The following TRPM7 variants were observed in gnomAD, a reference collection of about 807,000 sequenced individuals.
TRPM7 encodes transient receptor potential cation channel subfamily M member 7, also known as LTRPC ion channel family member 7.
In TRPM7, 134 loss-of-function variants were observed where a neutral mutation model predicts 229.7. The ratio of observed to expected loss-of-function variants is 0.58; its 90% confidence interval spans 0.51 to 0.67. The LOEUF (loss-of-function observed/expected upper bound fraction) is 0.67. Among genes scored for constraint, TRPM7 ranks in the 30% least tolerant of loss-of-function variants. TRPM7 has a pLI of 0.00. For synonymous variants in TRPM7, 699 were observed against 715.2 expected, an observed-to-expected ratio of 0.98 and a Z score of 0.36; for missense variants, 1,901 against 2,210.0, an observed-to-expected ratio of 0.86 and a Z score of 2.80.
At chr15:50,683,333 T>C (rs969144603) in intron 1 of TRPM7, among the ~76,000 whole-genome samples, 2 of 151,384 alleles carry the variant, frequency 1.3e-5, no homozygotes, top group African/African-American at 4.9e-5. Flanking sequence ...TGACAAAAAC[T>C]AAATGACTAC....
chr15:50,650,776 C>T (rs898672932), intron 3 of TRPM7, among the ~76,000 whole-genome samples: 11 of 152,106 alleles, frequency 7.2e-5, no homozygotes, highest in African/African-American at 2.7e-4. Flanking sequence ...CTGAAAGGAT[C>T]AAACTGATCC....
intron 2 of TRPM7, among the ~76,000 whole-genome samples, chr15:50,662,361 C>T (rs1029781865): frequency 7.3e-5 from 11 of 151,150 alleles, no homozygotes; most frequent in African/African-American, 2.7e-4. Flanking sequence ...ATAATTTTGG[C>T]AAAAATGTTT....
At chr15:50,578,744 C>A in intron 30 of TRPM7, 80 bp from the exon 31 acceptor site, 1 of 962,436 alleles carries the variant, frequency 1.0e-6, no homozygotes, top group Non-Finnish European at 1.5e-6. Context: ...TGATTTTATA[C>A]AATTATTATA....
chr15:50,567,955 T>C (rs1279843602), intron 38 of TRPM7, among the ~76,000 whole-genome samples: 2 of 151,770 alleles, frequency 1.3e-5, no homozygotes, highest in Non-Finnish European at 2.9e-5. Flanking sequence ...GGCAGGCGCC[T>C]GTAGTCCCAG....
intron 10 of TRPM7, among the ~76,000 whole-genome samples, chr15:50,630,021 C>T (rs2060685218): frequency 6.6e-6 from 1 of 151,930 alleles, no homozygotes; most frequent in Admixed American, 6.6e-5. Flanking sequence ...ACCACCACCC[C>T]CAGCTAATTT....
At chr15:50,601,821 G>T (rs934763730) in intron 21 of TRPM7, among the ~76,000 whole-genome samples, 1 of 151,694 alleles carries the variant, frequency 6.6e-6, no homozygotes, top group African/African-American at 2.4e-5. Context: ...GGCAAAAACC[G>T]CAATTACTTT....
intron 27 of TRPM7, among the ~76,000 whole-genome samples, chr15:50,589,319 CA>C (rs34653276): frequency 0.12 from 9,414 of 81,452 alleles, 362 homozygotes; most frequent in African/African-American, 0.29. Flanking sequence ...GACTCCGTCT[CA>C]AAAAAAAAAA....
intron 2 of TRPM7, among the ~76,000 whole-genome samples, chr15:50,661,610 A>T (rs2061726339): frequency 6.6e-6 from 1 of 152,230 alleles, no homozygotes; most frequent in Non-Finnish European, 1.5e-5. Context: ...TATTTACTAC[A>T]TATCCACTAT....
chr15:50,589,315 G>A (rs1470067150), intron 27 of TRPM7, among the ~76,000 whole-genome samples: 5 of 94,582 alleles, frequency 5.3e-5, no homozygotes, highest in East Asian at 6.9e-4. Context: ...GCGAGACTCC[G>A]TCTCAAAAAA....
At chr15:50,564,773 A>G (rs1197643213) in intron 38 of TRPM7, among the ~76,000 whole-genome samples, 6 of 152,116 alleles carry the variant, frequency 3.9e-5, no homozygotes, top group African/African-American at 1.4e-4. Flanking sequence ...AACAATCCAA[A>G]CATATTTGCA....
chr15:50,661,688 A>G (rs540489613), intron 2 of TRPM7, among the ~76,000 whole-genome samples: 31 of 152,342 alleles, frequency 2.0e-4, no homozygotes, highest in African/African-American at 7.0e-4. Context: ...CTATTTAGCT[A>G]TGTTTTTCTA....
At chr15:50,665,925 A>G (rs1168142557) in intron 1 of TRPM7, among the ~76,000 whole-genome samples, 1 of 152,172 alleles carries the variant, frequency 6.6e-6, no homozygotes, top group East Asian at 1.9e-4. Context: ...CGTGGAAGGC[A>G]GAGCTTGCAG....
At chr15:50,620,510 C>T (rs1414330748) in intron 12 of TRPM7, among the ~76,000 whole-genome samples, 1 of 152,038 alleles carries the variant, frequency 6.6e-6, no homozygotes, top group Non-Finnish European at 1.5e-5. Flanking sequence ...ACCATTATTT[C>T]TTTGGAGAAA....
intron 26 of TRPM7, 70 bp downstream of exon 26, chr15:50,591,841 C>A (rs2059503342): frequency 8.9e-7 from 1 of 1,122,616 alleles, no homozygotes; most frequent in Non-Finnish European, 1.3e-6. Flanking sequence ...TGTAACAGTA[C>A]ATATTTCTAT....
At chr15:50,632,830 G>T in intron 9 of TRPM7, 39 bp downstream of exon 9, 1 of 1,480,526 alleles carries the variant, frequency 6.8e-7, no homozygotes, top group South Asian at 1.5e-5. Flanking sequence ...AAGAAAAATG[G>T]CCTATCAGCT....
At chr15:50,588,917 AT>A (rs2059410121) in intron 27 of TRPM7, among the ~76,000 whole-genome samples, 1 of 152,198 alleles carries the variant, frequency 6.6e-6, no homozygotes, top group Non-Finnish European at 1.5e-5. Context: ...CTGCTAGACA[AT>A]AGGTTTCTAA....
Position 50,632,903 on chromosome 15 carries a change from T to G in TRPM7, c.1097A>C (p.Gln366Pro). 1 of 1,591,676 alleles carries G rather than the reference T, an allele frequency of 6.3e-7. No homozygotes were observed. Among genetic ancestry groups the G allele is most frequent in the East Asian group, 2.4e-5 (1 of 42,528 alleles). Residue 366 changes from glutamine to proline, a missense_variant, in exon 9 of 39, where the codon CAA (glutamine) becomes CCA (proline). This residue lies in a region of TRPM7 where 794 missense variants were observed against 881.9 expected (regional missense o/e 0.90). Coordinates refer to ENST00000646667, the MANE Select transcript of TRPM7 (RefSeq NM_017672.6). ...FGQNEALHLF[Q>P]TLMECMKRKE... ...TCTTTTCATGCACTCCATCAGTGTT[T>G]GAAATAAATGAAGTGCTTCATTCTG...
At chr15:50,574,230 A>G (rs1249413205) in intron 36 of TRPM7, 44 bp downstream of exon 36, 2 of 1,427,590 alleles carry the variant, frequency 1.4e-6, no homozygotes, top group Non-Finnish European at 9.9e-7. Context: ...ATAGGTGAGA[A>G]CCTACTGCAG....
chr15:50,631,229 T>C (rs1393854567), intron 10 of TRPM7, among the ~76,000 whole-genome samples, 188 bp downstream of exon 10: 1 of 152,196 alleles, frequency 6.6e-6, no homozygotes, highest in Non-Finnish European at 1.5e-5. Context: ...AATTAAAAGT[T>C]ACCTTGCCGC....
Sources: allele counts gnomAD v4.1 joint callset (sites outside exome capture counted in the v4.1 genomes callset), GRCh38; gene constraint gnomAD v4.1.1; regional missense constraint gnomAD v4.1.1; transcripts MANE v1.5; gene names NCBI Gene and HGNC (gene_info 2026-07-23, HGNC 2026-07-21).